The following RELA variants were observed in gnomAD, a reference collection of about 807,000 sequenced individuals.
The protein encoded by RELA is RELA proto-oncogene, NF-kB subunit, also known as transcription factor p65.
RELA carries 14 observed loss-of-function variants against 56.7 expected under a neutral mutation model. The ratio of observed to expected loss-of-function variants is 0.25; its 90% CI spans 0.16 to 0.39. The LOEUF (loss-of-function observed/expected upper bound fraction) is 0.39, where lower values mean the gene tolerates loss of function less well. Among genes scored for constraint, RELA ranks in the 10% least tolerant of loss-of-function variants. RELA has a pLI of 1.00. For synonymous variants in RELA, 315 were observed against 289.7 expected, an observed-to-expected ratio of 1.09 and a Z score of -0.89; for missense variants, 559 against 736.4, an observed-to-expected ratio of 0.76 and a Z score of 2.79.
chr11:65,655,140 C>CG (rs1856389850), intron 10 of RELA, 140 bp from the exon 11 acceptor site: 1 of 703,184 alleles, frequency 1.4e-6, no homozygotes, highest in Non-Finnish European at 2.5e-6. Context: ...TCTCCTTCCT[C>CG]TTACCCCATC....
Position 65,659,658 on chromosome 11 carries a change from C to A in RELA, c.559+8G>T, listed in dbSNP as rs1190765527. 1.2e-6 allele frequency: 2 copies of A among 1,613,482 alleles called. No individual in the cohort carries two copies. Among genetic ancestry groups the A allele is most frequent in the Admixed American group, 3.3e-5 (2 of 60,024 alleles). ...CTCTCCCCTTCCTGCGTCTCCCTCG[C>A]TACTCACGATTGTCAAAGATGGGAT... On this transcript the variant is annotated splice_region_variant and intron_variant, in intron 6 of 10. Transcript: ENST00000406246.
At chr11:65,659,565 G>T (rs1048330917) in intron 6 of RELA, 101 bp downstream of exon 6, 2 of 1,430,428 alleles carry the variant, frequency 1.4e-6, no homozygotes, top group Admixed American at 1.8e-5. Context: ...CAAGATGATT[G>T]AATGAAGCCA....
Position 65,654,117 on chromosome 11 carries a change from G to A in RELA, c.*261C>T, listed in dbSNP as rs765705789. ...AGAGTTCCCTACAGAGAAGGGAGCT[G>A]ACCATCAGGACAGGGGAAAAGTTTG... On this transcript the variant is annotated 3_prime_UTR_variant, in exon 11 of 11. Coordinates refer to ENST00000406246, the MANE Select transcript of RELA (RefSeq NM_021975.4). 4 of 524,996 alleles carry A rather than the reference G, an allele frequency of 7.6e-6. No homozygotes were observed. Among genetic ancestry groups the A allele is most frequent in the African/African-American group, 1.9e-5 (1 of 52,228 alleles). The allele number at this position is 524,996 out of a possible 1,614,324, so 32.5% of individuals were successfully genotyped here.
upstream of RELA, among the ~76,000 whole-genome samples, chr11:65,663,443 A>C (rs1350969503): frequency 6.6e-6 from 1 of 152,034 alleles, no homozygotes; most frequent in Non-Finnish European, 1.5e-5. Context: ...CTGTGGGGGA[A>C]TGGGAGCGGC....
chr11:65,661,470 T>C, intron 4 of RELA: 1 of 441,582 alleles, frequency 2.3e-6, no homozygotes, highest in East Asian at 3.4e-5. Context: ...AATTCAGAAG[T>C]GATTAGGGAC....
intron 8 of RELA, among the ~76,000 whole-genome samples, chr11:65,657,924 A>T (rs1856471815): frequency 6.6e-6 from 1 of 152,202 alleles, no homozygotes; most frequent in Non-Finnish European, 1.5e-5. Flanking sequence ...CAAGACAACC[A>T]GTGTGGCAAA....
intron 8 of RELA, among the ~76,000 whole-genome samples, chr11:65,656,485 C>A (rs183923428): frequency 1.3e-5 from 2 of 152,314 alleles, no homozygotes; most frequent in South Asian, 2.1e-4. Flanking sequence ...AAACTAGGTT[C>A]TTTCTCCTGC....
chr11:65,660,412 G>A, intron 4 of RELA, 197 bp from the exon 5 acceptor site: 1 of 600,630 alleles, frequency 1.7e-6, no homozygotes, highest in Non-Finnish European at 3.0e-6. Context: ...CCCTGCCCCT[G>A]CCAGCCTCCC....
chr11:65,656,820 C>T (rs979091560), intron 8 of RELA, among the ~76,000 whole-genome samples: 4 of 152,072 alleles, frequency 2.6e-5, no homozygotes, highest in Admixed American at 1.3e-4. Flanking sequence ...GTCAAGAGAT[C>T]GAGACCACCC....
chr11:65,658,279 C>G lies in RELA; in HGVS notation c.877+8G>C, dbSNP rs1395042292. 1.3e-6 allele frequency: 2 copies of G among 1,576,502 alleles called. No homozygotes were observed. The highest frequency in any genetic ancestry group is 1.7e-6 in the Non-Finnish European group (2 of 1,160,372). On this transcript the variant is annotated splice_region_variant and intron_variant, in intron 8 of 10. Coordinates refer to ENST00000406246, the MANE Select transcript of RELA (RefSeq NM_021975.4). This position sits in a 1 kb window ranked among gnomAD's most constrained non-coding sequence, Gnocchi z 4.5. ...AGCTGCCCTGATGCTGCCACCCCAG[C>G]TGTGTACCTGTATCTGGCAGGTACT...
At chr11:65,655,421 C>A (rs1856398330) in intron 10 of RELA, 1 of 584,580 alleles carries the variant, frequency 1.7e-6, no homozygotes, top group Non-Finnish European at 3.0e-6. Context: ...GATTTTTGTT[C>A]CCCCAATTCA....
In RELA at chr11:65,654,214, T is replaced by G. The variant is rs368122360; in HGVS notation, c.*164A>C. 3.4e-5 allele frequency: 29 copies of G among 862,738 alleles called. No individual in the cohort carries two copies. The highest frequency in any genetic ancestry group is 1.5e-4 in the African/African-American group (9 of 59,964). 53.4% of individuals were successfully genotyped at this position (862,738 alleles called of 1,614,324 possible). A position where few individuals can be genotyped will look rare whatever the true frequency, so the allele number is the denominator to read the frequency against. On this transcript the variant is annotated 3_prime_UTR_variant, in exon 11 of 11. Transcript: ENST00000406246. ...AAGCACCTCCAAAAAGAGAGAGAGA[T>G]ACAGATACTGACAATAAAAGAATAA...
Position 65,658,571 on chromosome 11 carries a change from C to T in RELA, c.665-72G>A. 2 of 1,432,492 alleles carry T rather than the reference C, an allele frequency of 1.4e-6. No individual in the cohort carries two copies. The highest frequency in any genetic ancestry group is 1.2e-5 in the South Asian group (1 of 81,006). 88.7% of individuals were successfully genotyped at this position (1,432,492 alleles called of 1,614,324 possible). ...ATGGTCTCCCCCTCAACTTCTGATG[C>T]TTGTCTTCTGATACATCACCCTTCG... is the stretch of plus-strand genomic sequence containing the variant. On this transcript the variant is annotated intron_variant, in intron 7 of 10. Coordinates refer to ENST00000406246, the MANE Select transcript of RELA (RefSeq NM_021975.4). This position sits in a 1 kb window ranked among gnomAD's most constrained non-coding sequence, Gnocchi z 4.5.
chr11:65,661,686 C>A lies in RELA; in HGVS notation c.335+1G>T. 6.3e-7 allele frequency: 1 copy of A among 1,586,144 alleles called. No homozygotes were observed. The highest frequency in any genetic ancestry group is 8.6e-7 in the Non-Finnish European group (1 of 1,164,178). Reference sequence around the variant, plus strand: ...GGCCTCCTAGCCTGCAGGGACCTCACCTGTGGATGCAGCGGTCCGGGCAGA... The same window carrying A: ...GGCCTCCTAGCCTGCAGGGACCTCAACTGTGGATGCAGCGGTCCGGGCAGA... On this transcript the variant is annotated splice_donor_variant, in intron 4 of 10. Coordinates refer to ENST00000406246, the MANE Select transcript of RELA (RefSeq NM_021975.4). LOFTEE classifies it high-confidence loss of function.
At position 65,654,278 on chromosome 11, in the gene RELA, TGGG is replaced by T; in HGVS notation, c.*97_*99del. The T allele has an allele frequency of 6.9e-7, 1 of 1,450,608 alleles. No individual in the cohort carries two copies. The highest frequency in any genetic ancestry group is 9.6e-7 in the Non-Finnish European group (1 of 1,038,548). 89.9% of individuals were successfully genotyped at this position (1,450,608 alleles called of 1,614,324 possible). A position where few individuals can be genotyped will look rare whatever the true frequency, so the allele number is the denominator to read the frequency against. On this transcript the variant is annotated 3_prime_UTR_variant, in exon 11 of 11. Transcript: ENST00000406246. The stretch of plus-strand genomic sequence containing the variant: ...CCTCCAAGGAAGACATCCACAAAGT[TGGG>T]GGCAGTTGGAACACACCCCACCAGA...
Position 65,661,779 on chromosome 11 carries a change from A to G in RELA, c.243T>C (p.Pro81=), listed in dbSNP as rs1235516089. 6.2e-7 allele frequency: 1 copy of G among 1,613,840 alleles called. No individual in the cohort carries two copies. Among genetic ancestry groups the G allele is most frequent in the Admixed American group, 1.7e-5 (1 of 59,964 alleles). Residue 81 remains proline (P), a synonymous_variant, in exon 4 of 11, where the codon CCT becomes CCC. Transcript: ENST00000406246. ...GCTCGTGGGGGTGAGGCCGGTGAGGAGGGTCCTTGGTGACCAGGGAGATGC... is the reference window on the plus strand; with the variant it reads ...GCTCGTGGGGGTGAGGCCGGTGAGGGGGGTCCTTGGTGACCAGGGAGATGC... ...TVRISLVTKD[P]PHRPHPHELV...
In RELA at chr11:65,658,196, GC is replaced by G; in HGVS notation, c.877+90del. 5 of 947,600 alleles carry G rather than the reference GC, an allele frequency of 5.3e-6. No homozygotes were observed. The highest frequency in any genetic ancestry group is 7.8e-6 in the Non-Finnish European group (5 of 643,084). The allele number at this position is 947,600 out of a possible 1,614,324, so 58.7% of individuals were successfully genotyped here. On this transcript the variant is annotated intron_variant, in intron 8 of 10. Coordinates refer to ENST00000406246, the MANE Select transcript of RELA (RefSeq NM_021975.4). This position sits in a 1 kb window ranked among gnomAD's most constrained non-coding sequence, Gnocchi z 4.5. Reference sequence around the variant, plus strand: ...TCCCAAGCTCTGACTCCAGCTTCTGGCCCTCAACCACAGCCCCAGACATGCA... The same window carrying G: ...TCCCAAGCTCTGACTCCAGCTTCTGGCCTCAACCACAGCCCCAGACATGCA...
At chr11:65,656,404 TAC>T (rs576145320) in intron 8 of RELA, among the ~76,000 whole-genome samples, 101 of 152,304 alleles carry the variant, frequency 6.6e-4, no homozygotes, top group African/African-American at 2.4e-3. Flanking sequence ...TCTTTCTAAT[TAC>T]AGTGGTATTT....
At chr11:65,662,492 C>A in intron 1 of RELA, 1 of 473,472 alleles carries the variant, frequency 2.1e-6, no homozygotes, top group Non-Finnish European at 3.7e-6. Context: ...CCACCTCCCT[C>A]CAGAGAGGAA....
Sources: gnomAD v4.1 joint callset for allele counts (sites outside exome capture counted in the v4.1 genomes callset) on GRCh38, gnomAD v4.1.1 for gene constraint, Gnocchi (gnomAD v3.1) non-coding constraint, MANE v1.5 for transcripts, NCBI Gene and HGNC (gene_info 2026-07-23, HGNC 2026-07-21) for gene names.